UBE2R2: variants seen among roughly 807,000 people sequenced by gnomAD.
The protein encoded by UBE2R2 is ubiquitin-conjugating enzyme E2 R2.
Under a neutral mutation model 27.8 loss-of-function variants are expected in UBE2R2, and 1 was observed. That is an observed-to-expected ratio of 0.04 (90% CI 0.01 to 0.17). The LOEUF is 0.17. Among genes scored for constraint, UBE2R2 ranks in the 10% least tolerant of loss-of-function variants. The pLI, the probability that UBE2R2 is intolerant of heterozygous loss-of-function variation, is 1.00. For synonymous variants in UBE2R2, 106 were observed against 113.3 expected, an observed-to-expected ratio of 0.94 and a Z score of 0.41; for missense variants, 100 against 291.0, an observed-to-expected ratio of 0.34 and a Z score of 4.78.
At position 33,828,132 on chromosome 9, in the gene UBE2R2, A is replaced by G. The variant is rs192713105; in HGVS notation, c.177+10198A>G. Among the ~76,000 whole-genome samples the G allele has an allele frequency of 3.3e-5, 5 of 151,616 alleles. No homozygotes were observed. In the South Asian group the frequency reaches 6.2e-4, roughly 19 times the overall value. ...AGCCTGACCAACATGGTGAAACCCT[A>G]TCTCTACTGAAAATACAAAATTAGC... is the stretch of plus-strand genomic sequence containing the variant. On this transcript the variant is annotated intron_variant, in intron 1 of 4. Coordinates refer to ENST00000263228, the MANE Select transcript of UBE2R2 (RefSeq NM_017811.4).
chr9:33,834,404 G>C (rs772889275), intron 1 of UBE2R2, among the ~76,000 whole-genome samples: 1 of 151,508 alleles, frequency 6.6e-6, no homozygotes, highest in Non-Finnish European at 1.5e-5. Flanking sequence ...GTAGAGACGG[G>C]TTTCACCGTG....
At chr9:33,832,829 A>T (rs1434536917) in intron 1 of UBE2R2, among the ~76,000 whole-genome samples, 2 of 152,124 alleles carry the variant, frequency 1.3e-5, no homozygotes, top group African/African-American at 2.4e-5. Flanking sequence ...CATTAAAATT[A>T]ATCTTTTTAG....
chr9:33,865,224 C>T (rs1480393156), intron 1 of UBE2R2, among the ~76,000 whole-genome samples: 1 of 151,268 alleles, frequency 6.6e-6, no homozygotes, highest in African/African-American at 2.4e-5. Context: ...TTTTTTAAGA[C>T]AGAGTCTTGC....
intron 1 of UBE2R2, among the ~76,000 whole-genome samples, chr9:33,874,598 G>T (rs144208933): frequency 3.3e-5 from 5 of 150,650 alleles, no homozygotes; most frequent in South Asian, 2.1e-4. Context: ...TATCCTACCC[G>T]CCCCCTCCTC....
chr9:33,833,147 C>T (rs1157112438), intron 1 of UBE2R2, among the ~76,000 whole-genome samples: 1 of 152,168 alleles, frequency 6.6e-6, no homozygotes, highest in Non-Finnish European at 1.5e-5. Flanking sequence ...TCAGTGAAAC[C>T]TCCGCCTCCT....
chr9:33,817,757 G>GCC lies in UBE2R2; in HGVS notation c.-1_1insCC. On this transcript the variant is annotated 5_prime_UTR_variant, in exon 1 of 5. Transcript: ENST00000263228. ...GCGCCGCCGCCGCCGCCGCCGCCGCGATGGCCCAGCAGCAGATGACCAGCT... is the reference window on the plus strand; with the variant it reads ...GCGCCGCCGCCGCCGCCGCCGCCGCGCCATGGCCCAGCAGCAGATGACCAGCT... 1 of 1,539,446 alleles carries GCC rather than the reference G, an allele frequency of 6.5e-7. No individual in the cohort carries two copies. The highest frequency in any genetic ancestry group is 8.7e-7 in the Non-Finnish European group (1 of 1,145,612).
At chr9:33,824,977 T>A (rs545710661) in intron 1 of UBE2R2, among the ~76,000 whole-genome samples, 2 of 152,132 alleles carry the variant, frequency 1.3e-5, no homozygotes, top group African/African-American at 4.8e-5. Context: ...TATTTCTTCC[T>A]GGATTGAAGG....
chr9:33,835,489 TC>T (rs2130732385), intron 1 of UBE2R2, among the ~76,000 whole-genome samples: 1 of 152,254 alleles, frequency 6.6e-6, no homozygotes, highest in African/African-American at 2.4e-5. Flanking sequence ...ATGCTGTACT[TC>T]ATTTCTATTG....
intron 1 of UBE2R2, among the ~76,000 whole-genome samples, chr9:33,819,665 G>T (rs2130706356): frequency 6.7e-6 from 1 of 150,072 alleles, no homozygotes; most frequent in East Asian, 2.0e-4. Context: ...TTGAGACGGA[G>T]TCTCGCTCTG....
rs60526576 is a variant in UBE2R2 at position 33,911,402 on chromosome 9, CAAAAAAAAAAAAAAA to C, written c.363-543_363-529del. On this transcript the variant is annotated intron_variant, in intron 3 of 4. Transcript: ENST00000263228. ...GGGGAACAAGAGTGAAACTCCATCT[CAAAAAAAAAAAAAAA>C]AAAAAAAAAAAAAAAAAACCTGGTT... 2.1e-3 allele frequency among the ~76,000 whole-genome samples: 112 copies of C among 53,208 alleles called. 2 individuals carry two copies. Among genetic ancestry groups the C allele is most frequent in the Non-Finnish European group, 2.7e-3 (83 of 31,246 alleles). The allele number at this position is 53,208 out of a possible 152,430, so 34.9% of individuals were successfully genotyped here. A position where few individuals can be genotyped will look rare whatever the true frequency, so the allele number is the denominator to read the frequency against.
At chr9:33,818,665 C>T (rs1825895214) in intron 1 of UBE2R2, 1 of 152,152 alleles carries the variant, frequency 6.6e-6, no homozygotes, top group Admixed American at 6.6e-5. Flanking sequence ...TTTGTCCTCA[C>T]CATGCCACCA....
chr9:33,852,460 A>G (rs1344625900), intron 1 of UBE2R2, among the ~76,000 whole-genome samples: 1 of 152,188 alleles, frequency 6.6e-6, no homozygotes, highest in Non-Finnish European at 1.5e-5. Context: ...AAATGGGGAC[A>G]AATCTGGCTA....
At chr9:33,865,323 G>C (rs1821337245) in intron 1 of UBE2R2, among the ~76,000 whole-genome samples, 1 of 152,002 alleles carries the variant, frequency 6.6e-6, no homozygotes, top group African/African-American at 2.4e-5. Context: ...TCCTGCCTCA[G>C]CCTCCCGAGT....
At chr9:33,834,005 G>T (rs551125999) in intron 1 of UBE2R2, among the ~76,000 whole-genome samples, 1 of 152,010 alleles carries the variant, frequency 6.6e-6, no homozygotes, top group Non-Finnish European at 1.5e-5. Context: ...ATAACATTCC[G>T]TTGTTTGTAT....
chr9:33,821,017 A>G (rs1297934634), intron 1 of UBE2R2, among the ~76,000 whole-genome samples: 5 of 151,572 alleles, frequency 3.3e-5, no homozygotes, highest in Non-Finnish European at 7.4e-5. Context: ...ATACTATACA[A>G]TCTTTTTTGG....
intron 1 of UBE2R2, among the ~76,000 whole-genome samples, chr9:33,856,567 C>G (rs1002353925): frequency 1.3e-5 from 2 of 152,106 alleles, no homozygotes; most frequent in Non-Finnish European, 2.9e-5. Flanking sequence ...ATTTTCCCTT[C>G]CTTTATCTTT....
At chr9:33,910,857 C>T (rs1779639827) in intron 3 of UBE2R2, among the ~76,000 whole-genome samples, 2 of 152,248 alleles carry the variant, frequency 1.3e-5, no homozygotes, top group East Asian at 1.9e-4. Context: ...AATCCCAGCA[C>T]TTTGGGAGGC....
At chr9:33,856,423 T>C (rs1399795770) in intron 1 of UBE2R2, among the ~76,000 whole-genome samples, 2 of 152,156 alleles carry the variant, frequency 1.3e-5, no homozygotes, top group Non-Finnish European at 2.9e-5. Context: ...GGTACATTAC[T>C]TACCACTAGA....
At chr9:33,859,760 T>TTGTGTGTGTGTGTGTG (rs57089790) in intron 1 of UBE2R2, among the ~76,000 whole-genome samples, 134 of 130,712 alleles carry the variant, frequency 1.0e-3, no homozygotes, top group Middle Eastern at 3.7e-3. Flanking sequence ...TCTAAGCCTT[T>TTGTGTGTGTGTGTGTG]TGTGTGTGTG....
Sources: allele counts gnomAD v4.1 joint callset (sites outside exome capture counted in the v4.1 genomes callset), GRCh38; gene constraint gnomAD v4.1.1; transcripts MANE v1.5; gene names NCBI Gene and HGNC (gene_info 2026-07-23, HGNC 2026-07-21).